The following SLC35F1 variants were observed in gnomAD, a reference collection of about 807,000 sequenced individuals.
SLC35F1 encodes the protein chromosome 6 open reading frame 169.
SLC35F1 carries 14 observed loss-of-function variants against 48.7 expected under a neutral mutation model. The observed-to-expected ratio is 0.29, with a 90% CI of 0.19 to 0.45. SLC35F1 has a LOEUF of 0.45. Ranked by LOEUF, SLC35F1 falls within the 20% of genes least tolerant of loss-of-function variation. SLC35F1 has a pLI of 1.00. For missense variants in SLC35F1, 404 were observed against 500.0 expected (o/e 0.81, Z 1.83); for synonymous variants, 190 against 202.2 (o/e 0.94, Z 0.51).
chr6:118,022,901 C>T (rs1279726514), intron 1 of SLC35F1, among the ~76,000 whole-genome samples: 1 of 152,006 alleles, frequency 6.6e-6, no homozygotes, highest in African/African-American at 2.4e-5. Flanking sequence ...CAGGCGTGTA[C>T]CACTACGCCG....
At chr6:117,911,219 T>A (rs1280249560) in intron 1 of SLC35F1, among the ~76,000 whole-genome samples, 1 of 152,126 alleles carries the variant, frequency 6.6e-6, no homozygotes, top group Non-Finnish European at 1.5e-5. Context: ...GACATCACAT[T>A]TTTTCCCCTG....
intron 2 of SLC35F1, among the ~76,000 whole-genome samples, chr6:118,218,832 C>T (rs1472549860): frequency 6.6e-6 from 1 of 152,190 alleles, no homozygotes; most frequent in Non-Finnish European, 1.5e-5. Context: ...TATTATTTTA[C>T]AAGCCACCTG....
chr6:118,129,224 C>T (rs147264527), intron 1 of SLC35F1, among the ~76,000 whole-genome samples: 6 of 152,044 alleles, frequency 3.9e-5, no homozygotes, highest in Admixed American at 6.6e-5. Context: ...AAAGCAATAG[C>T]GATAGTAGAG....
At chr6:118,254,034 C>G (rs1470975799) in intron 3 of SLC35F1, among the ~76,000 whole-genome samples, 1 of 151,876 alleles carries the variant, frequency 6.6e-6, no homozygotes, top group South Asian at 2.1e-4. Context: ...GCCTCAGAGA[C>G]AGCAGATGGG....
chr6:118,126,819 G>C (rs1368431517), intron 1 of SLC35F1, among the ~76,000 whole-genome samples: 2 of 151,738 alleles, frequency 1.3e-5, no homozygotes, highest in South Asian at 4.1e-4. Flanking sequence ...TGTGATTTTT[G>C]TACATTGATT....
intron 1 of SLC35F1, among the ~76,000 whole-genome samples, chr6:118,149,607 T>G (rs2114459480): frequency 6.6e-6 from 1 of 152,336 alleles, no homozygotes; most frequent in East Asian, 1.9e-4. Context: ...AAAAGACTCA[T>G]GAACTAATCT....
chr6:118,158,906 T>C (rs1281107202), intron 2 of SLC35F1, among the ~76,000 whole-genome samples: 1 of 152,144 alleles, frequency 6.6e-6, no homozygotes, highest in African/African-American at 2.4e-5. Context: ...TAGGTGTTCT[T>C]CCAGATGGTT....
chr6:118,154,617 C>T lies in SLC35F1; in HGVS notation c.346C>T (p.Gln116Ter). 2 of 1,605,808 alleles carry T rather than the reference C, an allele frequency of 1.2e-6. No individual in the cohort carries two copies. Among genetic ancestry groups the T allele is most frequent in the Non-Finnish European group, 1.7e-6 (2 of 1,175,760 alleles). ...CTATACCACCACACTAGCCGTCAGA[C>T]AAGGTAAGCTCACAAAAGCACCAGG... ...LVYTTTLAVR[Q>*]GEENLLAILR... Residue 116 changes from glutamine (Q) to a stop codon, truncating the protein, a stop_gained, in exon 2 of 8, where the codon CAA (glutamine) becomes TAA (stop). Transcript: ENST00000360388. LOFTEE classifies it high-confidence loss of function.
At chr6:118,169,133 C>T (rs1000772087) in intron 2 of SLC35F1, among the ~76,000 whole-genome samples, 1 of 152,188 alleles carries the variant, frequency 6.6e-6, no homozygotes, top group African/African-American at 2.4e-5. Context: ...CTGATAGCAA[C>T]ATTGCAATAT....
chr6:118,057,690 T>A (rs910968736), intron 1 of SLC35F1, among the ~76,000 whole-genome samples: 2 of 152,204 alleles, frequency 1.3e-5, no homozygotes, highest in Non-Finnish European at 2.9e-5. Flanking sequence ...TCCTGATTTA[T>A]CAAAAGATTC....
chr6:118,216,465 CA>C (rs55750771), intron 2 of SLC35F1, among the ~76,000 whole-genome samples: 119 of 139,050 alleles, frequency 8.6e-4, no homozygotes, highest in African/African-American at 2.6e-3. Context: ...ACCCCCACTT[CA>C]AAAAAAAAAA....
chr6:118,221,357 A>G (rs1775148392), intron 2 of SLC35F1, among the ~76,000 whole-genome samples: 1 of 152,188 alleles, frequency 6.6e-6, no homozygotes, highest in African/African-American at 2.4e-5. Flanking sequence ...GGAAATGAAC[A>G]AGAAAGGTTC....
At chr6:118,047,382 G>T (rs952956912) in intron 1 of SLC35F1, among the ~76,000 whole-genome samples, 1 of 152,160 alleles carries the variant, frequency 6.6e-6, no homozygotes, top group South Asian at 2.1e-4. Flanking sequence ...TAGGTTTTGA[G>T]CCCTTGAGTG....
rs763086360 is a variant in SLC35F1 at position 117,907,704 on chromosome 6, G to C, written c.-23G>C. The C allele has an allele frequency of 1.0e-5, 15 of 1,445,104 alleles. No homozygotes were observed. The Admixed American group carries it at 1.4e-4, about 14-fold the overall frequency. 89.5% of individuals were successfully genotyped at this position (1,445,104 alleles called of 1,614,324 possible). ...TGCACCCGGCTGCGTTCTGATCGCC[G>C]CCGCGCCTCAGCCTCTGCCGCGATG... is the stretch of plus-strand genomic sequence containing the variant. On this transcript the variant is annotated 5_prime_UTR_variant, in exon 1 of 8. Coordinates refer to ENST00000360388, the MANE Select transcript of SLC35F1 (RefSeq NM_001029858.4).
At position 118,119,526 on chromosome 6, in the gene SLC35F1, C is replaced by T. The variant is rs562425138; in HGVS notation, c.174-34919C>T. 7.1e-5 allele frequency among the ~76,000 whole-genome samples: 8 copies of T among 113,168 alleles called. No individual in the cohort carries two copies. The East Asian group carries it at 9.3e-4, about 13-fold the overall frequency. The allele number at this position is 113,168 out of a possible 152,430, so 74.2% of individuals were successfully genotyped here. A position where few individuals can be genotyped will look rare whatever the true frequency, so the allele number is the denominator to read the frequency against. On this transcript the variant is annotated intron_variant, in intron 1 of 7. Coordinates refer to ENST00000360388, the MANE Select transcript of SLC35F1 (RefSeq NM_001029858.4). ...CTCCACCCCGCTTTTTTTTTTGAGA[C>T]GGAGTTTCACTCTTGTCGCCCAGGC... is the stretch of plus-strand genomic sequence containing the variant.
At chr6:118,219,828 C>T (rs981429079) in intron 2 of SLC35F1, among the ~76,000 whole-genome samples, 5 of 152,118 alleles carry the variant, frequency 3.3e-5, no homozygotes, top group Admixed American at 6.6e-5. Context: ...CCATGGAATA[C>T]TATGCAGCCA....
chr6:117,907,814 C>A lies in SLC35F1; in HGVS notation c.88C>A (p.Pro30Thr), dbSNP rs1775710445. ...TGTGGTGACCACCATCGAGAACCTGCCGGCCGAGGGCAGCGGCGGCGGCGG... is the reference window on the plus strand; with the variant it reads ...TGTGGTGACCACCATCGAGAACCTGACGGCCGAGGGCAGCGGCGGCGGCGG... ...NHVVTTIENL[P>T]AEGSGGGGSL... The change falls in exon 1 of 8, where the codon CCG (proline) becomes ACG (threonine). Residue 30 changes from proline to threonine, a missense_variant. Coordinates refer to ENST00000360388, the MANE Select transcript of SLC35F1 (RefSeq NM_001029858.4). 4 of 1,550,528 alleles carry A rather than the reference C, an allele frequency of 2.6e-6. No homozygotes were observed. Among genetic ancestry groups the A allele is most frequent in the African/African-American group, 1.4e-5 (1 of 69,966 alleles).
intron 1 of SLC35F1, among the ~76,000 whole-genome samples, chr6:117,917,221 A>G (rs1775838371): frequency 6.6e-6 from 1 of 152,236 alleles, no homozygotes; most frequent in Middle Eastern, 3.4e-3. Flanking sequence ...AAGTCTTCAT[A>G]ATGATGTGAA....
intron 1 of SLC35F1, among the ~76,000 whole-genome samples, chr6:117,959,315 C>T (rs1347742755): frequency 6.6e-6 from 1 of 152,182 alleles, no homozygotes; most frequent in Non-Finnish European, 1.5e-5. Flanking sequence ...AGGCAGCCTC[C>T]TAGTTCTCTT....
Sources: gnomAD v4.1 joint callset for allele counts (sites outside exome capture counted in the v4.1 genomes callset) on GRCh38, gnomAD v4.1.1 for gene constraint, MANE v1.5 for transcripts, NCBI Gene and HGNC (gene_info 2026-07-23, HGNC 2026-07-21) for gene names.